Variants in HSDL2 observed in about 807,000 individuals in gnomAD.
The protein encoded by HSDL2 is hydroxysteroid dehydrogenase like 2, also known as hydroxysteroid dehydrogenase-like protein 2.
HSDL2 carries 27 observed loss-of-function variants against 46.3 expected under a neutral mutation model. The ratio of observed to expected loss-of-function variants is 0.58; its 90% CI spans 0.43 to 0.80. The LOEUF is 0.80. Among genes scored for constraint, HSDL2 ranks in the 30% least tolerant of loss-of-function variants. The probability of loss-of-function intolerance (pLI) is 0.00; values close to 1 mark genes in which losing one functional copy is unlikely to be tolerated. For synonymous variants in HSDL2, 153 were observed against 163.6 expected (o/e 0.94, Z 0.50); for missense variants, 451 against 502.7 (o/e 0.90, Z 0.98).
chr9:112,416,337 G>C (rs1274898494), intron 4 of HSDL2, among the ~76,000 whole-genome samples: 1 of 151,754 alleles, frequency 6.6e-6, no homozygotes, highest in East Asian at 1.9e-4. Flanking sequence ...GCTGAGGTGA[G>C]AGGACCACTT....
At chr9:112,394,219 C>T (rs1036809067) in intron 1 of HSDL2, among the ~76,000 whole-genome samples, 2 of 151,960 alleles carry the variant, frequency 1.3e-5, no homozygotes, top group African/African-American at 2.4e-5. Context: ...TTCCCATACT[C>T]GCAGTCCGGA....
chr9:112,383,694 C>A lies in HSDL2; in HGVS notation c.17+3514C>A, dbSNP rs139039075. Among the ~76,000 whole-genome samples the A allele has an allele frequency of 6.2e-3, 943 of 152,230 alleles. 10 individuals are homozygous for A. The highest frequency in any genetic ancestry group is 0.021 in the African/African-American group (859 of 41,530). Reference sequence around the variant, plus strand: ...TTAGTCTCTATTCATGTACCAGTACCAGACTGTTTACTTAATTAATTAATT... The same window carrying A: ...TTAGTCTCTATTCATGTACCAGTACAAGACTGTTTACTTAATTAATTAATT... On this transcript the variant is annotated intron_variant, in intron 1 of 10. Coordinates refer to ENST00000398805, the MANE Select transcript of HSDL2 (RefSeq NM_032303.5).
chr9:112,453,950 AATTC>A (rs2132692821), intron 8 of HSDL2, 59 bp from the exon 9 acceptor site: 1 of 1,156,506 alleles, frequency 8.6e-7, no homozygotes, highest in Non-Finnish European at 1.2e-6. Flanking sequence ...CTGATTAATT[AATTC>A]TGTGTGGGGT....
chr9:112,433,403 G>T (rs142391592), intron 6 of HSDL2, among the ~76,000 whole-genome samples: 38 of 152,238 alleles, frequency 2.5e-4, no homozygotes, highest in African/African-American at 9.1e-4. Context: ...GGATGAGATG[G>T]ATGGTCTTGT....
intron 8 of HSDL2, among the ~76,000 whole-genome samples, chr9:112,452,509 G>A (rs916284407): frequency 6.6e-6 from 1 of 152,210 alleles, no homozygotes; most frequent in South Asian, 2.1e-4. Context: ...CACTTTGGGA[G>A]GCCAATGTGG....
chr9:112,387,092 T>A (rs1831234205), intron 1 of HSDL2, among the ~76,000 whole-genome samples: 1 of 152,230 alleles, frequency 6.6e-6, no homozygotes, highest in South Asian at 2.1e-4. Flanking sequence ...TGAGTGATAT[T>A]GAGAAATTAT....
At chr9:112,409,989 A>G (rs1339009474) in intron 4 of HSDL2, among the ~76,000 whole-genome samples, 1 of 152,166 alleles carries the variant, frequency 6.6e-6, no homozygotes, top group Non-Finnish European at 1.5e-5. Flanking sequence ...GAAGCCAGCA[A>G]TAGTCTCCTT....
chr9:112,388,716 T>G (rs1173597231), intron 1 of HSDL2, among the ~76,000 whole-genome samples: 1 of 152,006 alleles, frequency 6.6e-6, no homozygotes, highest in African/African-American at 2.4e-5. Flanking sequence ...ATAGTGCCAC[T>G]GCACTCTAAC....
At chr9:112,460,971 CAT>C (rs1020190830) in intron 10 of HSDL2, among the ~76,000 whole-genome samples, 3 of 152,074 alleles carry the variant, frequency 2.0e-5, no homozygotes, top group African/African-American at 7.2e-5. Context: ...TATAAATATA[CAT>C]GTGTGCTTAT....
chr9:112,444,872 T>G (rs1172204180), intron 8 of HSDL2, among the ~76,000 whole-genome samples: 1 of 150,712 alleles, frequency 6.6e-6, no homozygotes, highest in African/African-American at 2.4e-5. Flanking sequence ...AGCTTATTTT[T>G]GTTTTTATTT....
At chr9:112,381,098 C>CACACAT (rs1554707226) in intron 1 of HSDL2, among the ~76,000 whole-genome samples, 4 of 151,546 alleles carry the variant, frequency 2.6e-5, no homozygotes, top group Non-Finnish European at 5.9e-5. Flanking sequence ...TACACACACA[C>CACACAT]ACACACACAC....
At chr9:112,459,058 G>A (rs968289342) in intron 9 of HSDL2, among the ~76,000 whole-genome samples, 1 of 152,094 alleles carries the variant, frequency 6.6e-6, no homozygotes, top group Non-Finnish European at 1.5e-5. Context: ...TCTATCTCCA[G>A]AACTTTTTCA....
chr9:112,411,150 C>T (rs1831856099), intron 4 of HSDL2, among the ~76,000 whole-genome samples: 1 of 152,146 alleles, frequency 6.6e-6, no homozygotes, highest in Admixed American at 6.6e-5. Context: ...CAAGTTATAT[C>T]ATTGCATTTA....
At chr9:112,457,637 CCT>C (rs1209717733) in intron 9 of HSDL2, among the ~76,000 whole-genome samples, 1 of 152,012 alleles carries the variant, frequency 6.6e-6, no homozygotes, top group Non-Finnish European at 1.5e-5. Flanking sequence ...AGAGCAAGAC[CCT>C]GTCTTAAAAA....
At chr9:112,381,258 C>CTT (rs1377135965) in intron 1 of HSDL2, among the ~76,000 whole-genome samples, 1 of 152,164 alleles carries the variant, frequency 6.6e-6, no homozygotes, top group Non-Finnish European at 1.5e-5. Flanking sequence ...CTTGAACTCC[C>CTT]AGGCTGATGT....
chr9:112,394,259 G>T (rs1454452220), intron 1 of HSDL2, among the ~76,000 whole-genome samples: 1 of 152,150 alleles, frequency 6.6e-6, no homozygotes, highest in Non-Finnish European at 1.5e-5. Flanking sequence ...CAAAGTTCTG[G>T]GTGTTCTGGG....
chr9:112,400,058 C>T (rs1172054276), intron 1 of HSDL2, among the ~76,000 whole-genome samples: 4 of 152,130 alleles, frequency 2.6e-5, no homozygotes, highest in East Asian at 1.9e-4. Flanking sequence ...GTTCCTCTTC[C>T]GCGGCTCCAG....
intron 3 of HSDL2, 70 bp from the exon 4 acceptor site, chr9:112,408,837 A>G: frequency 1.3e-6 from 1 of 788,864 alleles, no homozygotes; most frequent in East Asian, 2.6e-5. Flanking sequence ...AGGGTTCAAG[A>G]GAGTAAACGC....
chr9:112,400,276 G>A (rs1172476962), intron 1 of HSDL2, among the ~76,000 whole-genome samples: 2 of 152,118 alleles, frequency 1.3e-5, no homozygotes, highest in African/African-American at 4.8e-5. Flanking sequence ...GTGGAGCTAC[G>A]GGAACTCTTA....
Sources: allele counts gnomAD v4.1 joint callset (sites outside exome capture counted in the v4.1 genomes callset), GRCh38; gene constraint gnomAD v4.1.1; transcripts MANE v1.5; gene names NCBI Gene and HGNC (gene_info 2026-07-23, HGNC 2026-07-21).